TWNK: variants seen among roughly 807,000 people sequenced by gnomAD.
TWNK encodes twinkle mtDNA helicase.
Under a neutral mutation model 58.2 loss-of-function variants are expected in TWNK, and 36 were observed. The ratio of observed to expected loss-of-function variants is 0.62; its 90% CI spans 0.47 to 0.82. The LOEUF (loss-of-function observed/expected upper bound fraction) is 0.82. Ranked by LOEUF, TWNK falls within the 40% of genes least tolerant of loss-of-function variation. The pLI is 0.00. For synonymous variants in TWNK, 349 were observed against 348.5 expected (o/e 1.00, Z -0.02); for missense variants, 714 against 881.0 (o/e 0.81, Z 2.40).
Position 100,990,792 on chromosome 10 carries a change from G to A in TWNK, c.1593-77G>A, listed in dbSNP as rs1564809983. ...GGGTTGTGGTAGTTTGTGGGGAGAT[G>A]TGAATGGATCAAGAGTATGTGTATG... On this transcript the variant is annotated intron_variant, in intron 3 of 4. Coordinates refer to ENST00000311916, the MANE Select transcript of TWNK (RefSeq NM_021830.5). 3.8e-6 allele frequency: 6 copies of A among 1,590,600 alleles called. No homozygotes were observed. In the South Asian group the frequency reaches 4.4e-5, roughly 12 times the overall value.
intron 4 of TWNK, 84 bp downstream of exon 4, chr10:100,991,094 G>T: frequency 6.3e-7 from 1 of 1,594,132 alleles, no homozygotes; most frequent in Non-Finnish European, 8.6e-7. Context: ...AGCCTTAATC[G>T]TCTTGACTGT....
rs754165856 is a variant in TWNK at position 100,993,507 on chromosome 10, GT to G, written c.2053del (p.Ter685GlufsTer15). 6.2e-7 allele frequency: 1 copy of G among 1,614,092 alleles called. No homozygotes were observed. The highest frequency in any genetic ancestry group is 1.1e-5 in the South Asian group (1 of 91,086). On this transcript the variant is annotated frameshift_variant and stop_lost, in exon 5 of 5. Coordinates refer to ENST00000311916, the MANE Select transcript of TWNK (RefSeq NM_021830.5). LOFTEE classifies it high-confidence loss of function. ...AGCCAGACACCTCCAAGCGTTCAAA[GT>G]GAAGGCCGTGCAGAGCTGGTCACTG... is the stretch of plus-strand genomic sequence containing the variant. Reference protein sequence around the residue: ...DQPDTSKRSK* With the variant: ...DQPDTSKRSKX
rs368554650 is a variant in TWNK, at chr10:100,990,433, C to T, written c.1485-3C>T. On this transcript the variant is annotated splice_polypyrimidine_tract_variant and splice_region_variant and intron_variant, in intron 2 of 4. Coordinates refer to ENST00000311916, the MANE Select transcript of TWNK (RefSeq NM_021830.5). ...TCAAATTCCTTGCCTTTCCTCTTCC[C>T]AGGACTGTAATAGATACAATGCAAC... 6.2e-7 allele frequency: 1 copy of T among 1,611,784 alleles called. No individual in the cohort carries two copies. The highest frequency in any genetic ancestry group is 1.3e-5 in the African/African-American group (1 of 74,992).
chr10:100,993,576 G>A lies in TWNK; in HGVS notation c.*66G>A. The A allele has an allele frequency of 6.5e-7, 1 of 1,548,146 alleles. No individual in the cohort carries two copies. Among genetic ancestry groups the A allele is most frequent in the Non-Finnish European group, 8.9e-7 (1 of 1,129,492 alleles). On this transcript the variant is annotated 3_prime_UTR_variant, in exon 5 of 5. Transcript: ENST00000311916. The stretch of plus-strand genomic sequence containing the variant: ...TAGGCTGGAGCATAAAACTCTGCAA[G>A]GGCTCCTCTATCCTGTGGTCCTGAG...
Position 100,989,432 on chromosome 10 carries a change from G to C in TWNK, c.1222G>C (p.Gly408Arg). ...TCGTATCTTGAAGGGACATCGAAAG[G>C]GCGAGCTGACGGTCTTCACAGGTAA... ...LNRILKGHRK[G>R]ELTVFTGPTG... The change falls in exon 1 of 5, where the codon GGC becomes CGC. Residue 408 changes from glycine (G) to arginine (R), a missense_variant. Physicochemically the swap from Gly to Arg is moderately radical, Grantham distance 125. This residue lies in a region of TWNK where 302 missense variants were observed against 438.6 expected (regional missense o/e 0.69). Coordinates refer to ENST00000311916, the MANE Select transcript of TWNK (RefSeq NM_021830.5). This position sits in a 1 kb window ranked among gnomAD's most constrained non-coding sequence, Gnocchi z 7.6. 3 of 1,614,062 alleles carry C rather than the reference G, an allele frequency of 1.9e-6. No individual in the cohort carries two copies. The highest frequency in any genetic ancestry group is 2.5e-6 in the Non-Finnish European group (3 of 1,180,032).
chr10:100,989,396 C>T lies in TWNK; in HGVS notation c.1186C>T (p.Pro396Ser), dbSNP rs762511554. ...AGCTGGCCTCCGCTGGAGCCGCTTT[C>T]CAGACCTCAATCGTATCTTGAAGGG... Reference protein sequence around the residue: ...QAAGLRWSRFPDLNRILKGHR... With the variant: ...QAAGLRWSRFSDLNRILKGHR... Residue 396 changes from proline to serine, a missense_variant, in exon 1 of 5, where the codon CCA (proline) becomes TCA (serine). Physicochemically the swap from Pro to Ser is moderately conservative, Grantham distance 74. This residue lies in a region of TWNK where 302 missense variants were observed against 438.6 expected (regional missense o/e 0.69). Coordinates refer to ENST00000311916, the MANE Select transcript of TWNK (RefSeq NM_021830.5). The surrounding 1 kb of genome is among the most constrained non-coding windows in gnomAD (Gnocchi z 7.6). The T allele has an allele frequency of 6.2e-7, 1 of 1,614,194 alleles. No homozygotes were observed. The highest frequency in any genetic ancestry group is 1.1e-5 in the South Asian group (1 of 91,084).
chr10:100,988,391 C>T lies in TWNK; in HGVS notation c.181C>T (p.Arg61Cys). The T allele has an allele frequency of 6.2e-7, 1 of 1,614,270 alleles. No homozygotes were observed. The change falls in exon 1 of 5, where the codon CGC becomes TGC. Residue 61 changes from arginine to cysteine, a missense_variant. Physicochemically the swap from Arg to Cys is radical, Grantham distance 180. Coordinates refer to ENST00000311916, the MANE Select transcript of TWNK (RefSeq NM_021830.5). The surrounding 1 kb of genome is among the most constrained non-coding windows in gnomAD (Gnocchi z 5.2). ...PVLPVTATEI[R>C]QYLRGHGIPF... The stretch of plus-strand genomic sequence containing the variant: ...GTTGCCTGTAACTGCAACTGAAATC[C>T]GCCAGTATTTGCGGGGGCATGGGAT...
chr10:100,990,214 AAAGT>A (rs1851730896), intron 2 of TWNK, among the ~76,000 whole-genome samples: 1 of 152,186 alleles, frequency 6.6e-6, no homozygotes, highest in Non-Finnish European at 1.5e-5. Flanking sequence ...TCAAGAAGCT[AAAGT>A]AAGAGGATCG....
At chr10:100,990,388 G>C in intron 2 of TWNK, 48 bp from the exon 3 acceptor site, 1 of 1,346,382 alleles carries the variant, frequency 7.4e-7, no homozygotes, top group Non-Finnish European at 1.1e-6. Flanking sequence ...TTCTGCCTGG[G>C]GTGGTCTAGA....
rs751144474 is a variant in TWNK, at chr10:100,989,400, A to G, written c.1190A>G (p.Asp397Gly). Reference protein sequence around the residue: ...AAGLRWSRFPDLNRILKGHRK... With the variant: ...AAGLRWSRFPGLNRILKGHRK... Reference sequence around the variant, plus strand: ...GGCCTCCGCTGGAGCCGCTTTCCAGACCTCAATCGTATCTTGAAGGGACAT... The same window carrying G: ...GGCCTCCGCTGGAGCCGCTTTCCAGGCCTCAATCGTATCTTGAAGGGACAT... Residue 397 changes from aspartate (D) to glycine (G), a missense_variant, in exon 1 of 5, where the codon GAC (aspartate) becomes GGC (glycine). Transcript: ENST00000311916. The surrounding 1 kb of genome is among the most constrained non-coding windows in gnomAD (Gnocchi z 7.6). The G allele has an allele frequency of 3.0e-5, 49 of 1,614,170 alleles. 3 individuals carry two copies. The South Asian group carries it at 5.2e-4, about 17-fold the overall frequency.
Position 100,989,623 on chromosome 10 carries a change from G to A in TWNK, c.1244-21G>A, listed in dbSNP as rs1016679618. The A allele has an allele frequency of 1.2e-6, 2 of 1,613,826 alleles. No individual in the cohort carries two copies. The highest frequency in any genetic ancestry group is 4.5e-5 in the East Asian group (2 of 44,878). On this transcript the variant is annotated intron_variant, in intron 1 of 4. Transcript: ENST00000311916. The surrounding 1 kb of genome is among the most constrained non-coding windows in gnomAD (Gnocchi z 7.6). Reference sequence around the variant, plus strand: ...AGGGTAGGACTTCCTCCTCACCCAGGTCTGTTCCACCCCACTGCAGGGCCA... The same window carrying A: ...AGGGTAGGACTTCCTCCTCACCCAGATCTGTTCCACCCCACTGCAGGGCCA...
At position 100,987,995 on chromosome 10, in the gene TWNK, G is replaced by A. The variant is rs1250305479; in HGVS notation, c.-216G>A. On this transcript the variant is annotated 5_prime_UTR_variant, in exon 1 of 5. Coordinates refer to ENST00000311916, the MANE Select transcript of TWNK (RefSeq NM_021830.5). ...CCATAGAGGTGGGGGAGCCATTGTA[G>A]AAGGACGTGGACGCGAAAGGGTCGT... is the stretch of plus-strand genomic sequence containing the variant. The A allele has an allele frequency of 2.0e-5, 13 of 651,862 alleles. No homozygotes were observed. The highest frequency in any genetic ancestry group is 3.6e-5 in the Non-Finnish European group (13 of 362,778). The allele number at this position is 651,862 out of a possible 1,614,324, so 40.4% of individuals were successfully genotyped here.
chr10:100,989,892 TC>T lies in TWNK; in HGVS notation c.1484+11del. 1 of 1,614,170 alleles carries T rather than the reference TC, an allele frequency of 6.2e-7. No homozygotes were observed. The highest frequency in any genetic ancestry group is 8.5e-7 in the Non-Finnish European group (1 of 1,180,036). On this transcript the variant is annotated intron_variant, in intron 2 of 4. Transcript: ENST00000311916. The surrounding 1 kb of genome is among the most constrained non-coding windows in gnomAD (Gnocchi z 7.6). ...TGGACAGCAAAGCATCAGGTGAGAC[TC>T]CCAGATTCCAGCCACCTTGCTTTCC...
intron 4 of TWNK, among the ~76,000 whole-genome samples, 152 bp from the exon 5 acceptor site, chr10:100,993,037 CG>C (rs1851825626): frequency 6.6e-6 from 1 of 152,158 alleles, no homozygotes; most frequent in African/African-American, 2.4e-5. Flanking sequence ...CCACTCGACT[CG>C]GCCTCCCAAA....
At chr10:100,990,396 A>C in intron 2 of TWNK, 40 bp from the exon 3 acceptor site, 2 of 1,490,558 alleles carry the variant, frequency 1.3e-6, no homozygotes, top group Non-Finnish European at 9.4e-7. Flanking sequence ...GGGGTGGTCT[A>C]GAGACAACTT....
chr10:100,993,717 C>T lies in TWNK; in HGVS notation c.*207C>T, dbSNP rs534900266. ...TGTTGCTCAGGCTTTGTTTGAGGTCCTGTATATACAGCACTGAAAAGAGAG... is the reference window on the plus strand; with the variant it reads ...TGTTGCTCAGGCTTTGTTTGAGGTCTTGTATATACAGCACTGAAAAGAGAG... On this transcript the variant is annotated 3_prime_UTR_variant, in exon 5 of 5. Coordinates refer to ENST00000311916, the MANE Select transcript of TWNK (RefSeq NM_021830.5). The T allele has an allele frequency of 1.0e-4, 62 of 615,350 alleles. No individual in the cohort carries two copies. The highest frequency in any genetic ancestry group is 7.9e-4 in the African/African-American group (43 of 54,334). 38.1% of individuals were successfully genotyped at this position (615,350 alleles called of 1,614,324 possible).
At chr10:100,990,579 C>T (rs376570497) in intron 3 of TWNK, 36 bp downstream of exon 3, 91 of 1,613,446 alleles carry the variant, frequency 5.6e-5, no homozygotes, top group Admixed American at 1.3e-4. Flanking sequence ...AGCTTGAGCC[C>T]GCTTGGACAT....
Position 100,993,243 on chromosome 10 carries a change from C to T in TWNK, c.1788C>T (p.Thr596=), listed in dbSNP as rs745941372. The T allele has an allele frequency of 1.7e-5, 28 of 1,614,072 alleles. No homozygotes were observed. Among genetic ancestry groups the T allele is most frequent in the African/African-American group, 6.7e-5 (5 of 74,918 alleles). ...VLILQDRKLV[T]GPGKRYLQVS... is the part of the protein sequence containing the mutation. ...TCCTGCAGGACAGGAAGCTGGTAAC[C>T]GGGCCAGGGAAACGGTATCTGCAGG... The change falls in exon 5 of 5, where the codon ACC becomes ACT. Residue 596 remains threonine, a synonymous_variant. Transcript: ENST00000311916.
Position 100,988,059 on chromosome 10 carries a change from C to T in TWNK, c.-152C>T. On this transcript the variant is annotated 5_prime_UTR_variant, in exon 1 of 5. Transcript: ENST00000311916. This position sits in a 1 kb window ranked among gnomAD's most constrained non-coding sequence, Gnocchi z 5.2. ...TGTGTGAAGCAGCAACGTAGAGGGG[C>T]TGAAGAGGAGAAATTCATGGAGAGA... 1 of 914,548 alleles carries T rather than the reference C, an allele frequency of 1.1e-6. No homozygotes were observed. The highest frequency in any genetic ancestry group is 1.8e-6 in the Non-Finnish European group (1 of 563,250). The allele number at this position is 914,548 out of a possible 1,614,324, so 56.7% of individuals were successfully genotyped here. A position where few individuals can be genotyped will look rare whatever the true frequency, so the allele number is the denominator to read the frequency against.
Sources: gnomAD v4.1 joint callset for allele counts (sites outside exome capture counted in the v4.1 genomes callset) on GRCh38, gnomAD v4.1.1 for gene constraint, gnomAD v4.1.1 regional missense constraint, Gnocchi (gnomAD v3.1) non-coding constraint, MANE v1.5 for transcripts, NCBI Gene and HGNC (gene_info 2026-07-23, HGNC 2026-07-21) for gene names.